The following NSD3 variants were observed in gnomAD, a reference collection of about 807,000 sequenced individuals.
The protein encoded by NSD3 is histone-lysine N-methyltransferase NSD3.
Under a neutral mutation model 160.8 loss-of-function variants are expected in NSD3, and 24 were observed. The ratio of observed to expected loss-of-function variants is 0.15; its 90% CI spans 0.11 to 0.21. NSD3 has a LOEUF of 0.21. NSD3 is among the 10% of genes least tolerant of loss of function. The pLI is 1.00. For missense variants in NSD3, 1,157 were observed against 1,735.9 expected (o/e 0.67, Z 5.93); for synonymous variants, 520 against 600.0 (o/e 0.87, Z 1.95).
chr8:38,336,126 C>T (rs375956902), intron 4 of NSD3: 1 of 152,146 alleles, frequency 6.6e-6, no homozygotes, highest in Non-Finnish European at 1.5e-5. Flanking sequence ...ATACTTTTTC[C>T]CTTCAGAAGA....
intron 17 of NSD3, among the ~76,000 whole-genome samples, 199 bp downstream of exon 17, chr8:38,290,276 C>T (rs1808971864): frequency 6.6e-6 from 1 of 152,050 alleles, no homozygotes; most frequent in South Asian, 2.1e-4. Flanking sequence ...GAAGAAATTC[C>T]TTTCAAATAC....
At chr8:38,341,420 C>A (rs559134084) in intron 2 of NSD3, among the ~76,000 whole-genome samples, 77 of 152,094 alleles carry the variant, frequency 5.1e-4, no homozygotes, top group African/African-American at 1.8e-3. Context: ...TGCCTATAAT[C>A]CCAGCTACTT....
intron 13 of NSD3, 145 bp from the exon 14 acceptor site, chr8:38,304,902 G>C: frequency 1.2e-6 from 1 of 829,648 alleles, no homozygotes. Context: ...GTCTGGCTCT[G>C]TCATCCTATG....
At position 38,318,362 on chromosome 8, in the gene NSD3, C is replaced by G. The variant is rs1809718332; in HGVS notation, c.1855+533G>C. ...CAGAAAATACAGATATAAGTTTAAG[C>G]TTTCTTAAACTTTGTGCATATCTCA... On this transcript the variant is annotated intron_variant, in intron 9 of 23. Coordinates refer to ENST00000317025, the MANE Select transcript of NSD3 (RefSeq NM_023034.2). This position sits in a 1 kb window ranked among gnomAD's most constrained non-coding sequence, Gnocchi z 5.3. Among the ~76,000 whole-genome samples, 1 of 152,138 alleles carries G rather than the reference C, an allele frequency of 6.6e-6. No homozygotes were observed. The highest frequency in any genetic ancestry group is 1.5e-5 in the Non-Finnish European group (1 of 68,022).
At chr8:38,302,893 C>A (rs1195702804) in intron 14 of NSD3, among the ~76,000 whole-genome samples, 1 of 152,164 alleles carries the variant, frequency 6.6e-6, no homozygotes, top group East Asian at 1.9e-4. Flanking sequence ...CCTCAGCCTC[C>A]CAAGTGTTGG....
At position 38,288,322 on chromosome 8, in the gene NSD3, C is replaced by G. The variant is rs977296743; in HGVS notation, c.3501+165G>C. On this transcript the variant is annotated intron_variant, in intron 19 of 23. Transcript: ENST00000317025. This position sits in a 1 kb window ranked among gnomAD's most constrained non-coding sequence, Gnocchi z 4.5. ...AGCACATTTTATCACTATCTTCTTC[C>G]TACTACTCTTCTTTGCTCAAGAAGT... Among the ~76,000 whole-genome samples, 1 of 152,158 alleles carries G rather than the reference C, an allele frequency of 6.6e-6. No individual in the cohort carries two copies. Among genetic ancestry groups the G allele is most frequent in the African/African-American group, 2.4e-5 (1 of 41,426 alleles).
rs2130977441 is a variant in NSD3, at chr8:38,274,394, G to C, written c.*1247C>G. 6.6e-6 allele frequency: 1 copy of C among 152,322 alleles called. No individual in the cohort carries two copies. The highest frequency in any genetic ancestry group is 1.9e-4 in the East Asian group (1 of 5,190). 9.4% of individuals were successfully genotyped at this position (152,322 alleles called of 1,614,324 possible). ...GTTTTCTCCAAGTGCTTCCTAAGAT[G>C]AAGTGTGTTTGTGTGGCTCTTATGC... On this transcript the variant is annotated 3_prime_UTR_variant, in exon 24 of 24. Transcript: ENST00000317025.
Position 38,276,330 on chromosome 8 carries a change from G to A in NSD3, c.4038C>T (p.His1346=). The stretch of plus-strand genomic sequence containing the variant: ...GCTGAGTCAGGTTAAGGCATAGGAG[G>A]TGGTATGCTTTGGGACAGTCTTTTT... ...CDKKDCPKAY[H]LLCLNLTQPP... Residue 1346 remains histidine (H), a synonymous_variant, in exon 23 of 24, where the codon CAC becomes CAT. Coordinates refer to ENST00000317025, the MANE Select transcript of NSD3 (RefSeq NM_023034.2). 1 of 1,614,232 alleles carries A rather than the reference G, an allele frequency of 6.2e-7. No homozygotes were observed. Among genetic ancestry groups the A allele is most frequent in the Non-Finnish European group, 8.5e-7 (1 of 1,180,038 alleles).
At chr8:38,378,962 T>A (rs1479734232) in intron 1 of NSD3, among the ~76,000 whole-genome samples, 1 of 152,192 alleles carries the variant, frequency 6.6e-6, no homozygotes, top group East Asian at 1.9e-4. Flanking sequence ...AATATTATTA[T>A]AAATTCCAGA....
chr8:38,357,609 A>C (rs190618050), intron 1 of NSD3, among the ~76,000 whole-genome samples: 1 of 152,254 alleles, frequency 6.6e-6, no homozygotes, highest in Non-Finnish European at 1.5e-5. Flanking sequence ...AGTTAGTCTG[A>C]GTAACTTTCC....
chr8:38,357,038 G>A lies in NSD3; in HGVS notation c.-44-8823C>T, dbSNP rs560779174. The stretch of plus-strand genomic sequence containing the variant: ...GGAAGGTGAGGCAGGAGAATTGCTT[G>A]AATCTGGGAGGCGGAGGTTGCAGTG... On this transcript the variant is annotated intron_variant, in intron 1 of 23. Coordinates refer to ENST00000317025, the MANE Select transcript of NSD3 (RefSeq NM_023034.2). 8.0e-5 allele frequency among the ~76,000 whole-genome samples: 11 copies of A among 136,678 alleles called. 1 individual carries two copies. The East Asian group carries it at 2.5e-3, about 31-fold the overall frequency. The allele number at this position is 136,678 out of a possible 152,430, so 89.7% of individuals were successfully genotyped here. A position where few individuals can be genotyped will look rare whatever the true frequency, so the allele number is the denominator to read the frequency against.
In NSD3 at chr8:38,275,149, AC is replaced by A; in HGVS notation, c.*491del. 1 of 239,848 alleles carries A rather than the reference AC, an allele frequency of 4.2e-6. No homozygotes were observed. The highest frequency in any genetic ancestry group is 8.2e-6 in the Non-Finnish European group (1 of 122,570). 14.9% of individuals were successfully genotyped at this position (239,848 alleles called of 1,614,324 possible). ...TAAAGAGGTATATAAAGCTTATCATACCCTTTCCTAGAGGGCTTTCTCAGAT... is the reference window on the plus strand; with the variant it reads ...TAAAGAGGTATATAAAGCTTATCATACCTTTCCTAGAGGGCTTTCTCAGAT... On this transcript the variant is annotated 3_prime_UTR_variant, in exon 24 of 24. Coordinates refer to ENST00000317025, the MANE Select transcript of NSD3 (RefSeq NM_023034.2).
Position 38,316,713 on chromosome 8 carries a change from C to T in NSD3, c.1856-671G>A, listed in dbSNP as rs1319680602. On this transcript the variant is annotated intron_variant, in intron 9 of 23. Transcript: ENST00000317025. The surrounding 1 kb of genome is among the most constrained non-coding windows in gnomAD (Gnocchi z 4.5). ...TAAATGGACAATCAGTGTTCAAGTG[C>T]AGCCAAATCACGTAGAGCTGGATGG... The T allele has an allele frequency of 3.8e-6, 4 of 1,055,998 alleles. No homozygotes were observed. In the African/African-American group the frequency reaches 6.6e-5, roughly 17 times the overall value. The allele number at this position is 1,055,998 out of a possible 1,614,324, so 65.4% of individuals were successfully genotyped here.
At chr8:38,289,574 T>C (rs955564753) in intron 17 of NSD3, 69 bp from the exon 18 acceptor site, 1 of 1,369,894 alleles carries the variant, frequency 7.3e-7, no homozygotes, top group Non-Finnish European at 1.0e-6. Context: ...ATAGTAGTTT[T>C]ACGCTGCCTT....
chr8:38,356,382 A>C (rs1042019006), intron 1 of NSD3, among the ~76,000 whole-genome samples: 2 of 152,146 alleles, frequency 1.3e-5, no homozygotes, highest in Non-Finnish European at 2.9e-5. Context: ...TAGAATCCTT[A>C]AGCCAAATCA....
At chr8:38,337,775 C>T (rs1019181453) in intron 3 of NSD3, among the ~76,000 whole-genome samples, 3 of 151,890 alleles carry the variant, frequency 2.0e-5, no homozygotes, top group African/African-American at 7.3e-5. Context: ...TTCAATTATA[C>T]TTTGATACAG....
chr8:38,341,283 T>C (rs1224096066), intron 2 of NSD3, among the ~76,000 whole-genome samples: 1 of 151,912 alleles, frequency 6.6e-6, no homozygotes, highest in East Asian at 1.9e-4. Flanking sequence ...CTCACACCTG[T>C]AATCCCAGCA....
chr8:38,326,987 GTTATC>G lies in NSD3; in HGVS notation c.1582-136_1582-132del, dbSNP rs142642009. The G allele has an allele frequency of 2.1e-4, 203 of 965,268 alleles. No individual in the cohort carries two copies. In the East Asian group the frequency reaches 4.9e-3, roughly 23 times the overall value. The allele number at this position is 965,268 out of a possible 1,614,324, so 59.8% of individuals were successfully genotyped here. ...TTATATGGTCTTTGATTGCAATTAA[GTTATC>G]TTAGCCTTTATCAGAAATTTGATTA... On this transcript the variant is annotated intron_variant, in intron 6 of 23. Coordinates refer to ENST00000317025, the MANE Select transcript of NSD3 (RefSeq NM_023034.2).
intron 1 of NSD3, among the ~76,000 whole-genome samples, chr8:38,366,783 T>C (rs1416554469): frequency 6.6e-6 from 1 of 152,154 alleles, no homozygotes; most frequent in Non-Finnish European, 1.5e-5. Flanking sequence ...CTATTTAAAT[T>C]TAAACAAGTT....
Sources: gnomAD v4.1 joint callset for allele counts (sites outside exome capture counted in the v4.1 genomes callset) on GRCh38, gnomAD v4.1.1 for gene constraint, Gnocchi (gnomAD v3.1) non-coding constraint, MANE v1.5 for transcripts, NCBI Gene and HGNC (gene_info 2026-07-23, HGNC 2026-07-21) for gene names.